The following TSC22D2 variants were observed in gnomAD, a reference collection of about 807,000 sequenced individuals.
The protein encoded by TSC22D2 is TSC22 domain family member 2.
A neutral mutation model predicts 50.1 loss-of-function variants in TSC22D2; 5 were observed. That is an observed-to-expected ratio of 0.10 (90% CI 0.05 to 0.21). The LOEUF (loss-of-function observed/expected upper bound fraction) is 0.21, where lower values mean the gene tolerates loss of function less well. TSC22D2 is among the 10% of genes least tolerant of loss of function. TSC22D2 has a pLI of 1.00. For synonymous variants in TSC22D2, 501 were observed against 450.1 expected, an observed-to-expected ratio of 1.11 and a Z score of -1.43; for missense variants, 1,003 against 1,015.5, an observed-to-expected ratio of 0.99 and a Z score of 0.17.
In TSC22D2 at chr3:150,459,294, C is replaced by T. The variant is rs554042824; in HGVS notation, c.*658C>T. The T allele has an allele frequency of 2.4e-4, 37 of 152,694 alleles. No individual in the cohort carries two copies. Among genetic ancestry groups the T allele is most frequent in the African/African-American group, 8.7e-4 (36 of 41,562 alleles). 9.5% of individuals were successfully genotyped at this position (152,694 alleles called of 1,614,324 possible). A position where few individuals can be genotyped will look rare whatever the true frequency, so the allele number is the denominator to read the frequency against. ...TTTATTTTCAGTAGTAAAGACCCAG[C>T]TTGAATGTAAATTTTGTATAGTGTA... On this transcript the variant is annotated 3_prime_UTR_variant, in exon 3 of 3. Transcript: ENST00000688009.
intron 1 of TSC22D2, among the ~76,000 whole-genome samples, chr3:150,418,715 T>C (rs1042903723): frequency 2.6e-5 from 4 of 151,792 alleles, no homozygotes; most frequent in African/African-American, 7.3e-5. Flanking sequence ...AGAACCAGAG[T>C]GAAGGACTTT....
At chr3:150,416,312 C>G (rs1231532167) in intron 1 of TSC22D2, among the ~76,000 whole-genome samples, 2 of 152,064 alleles carry the variant, frequency 1.3e-5, no homozygotes, top group African/African-American at 2.4e-5. Flanking sequence ...GAAGGAGAGG[C>G]CTTACAAAAG....
At chr3:150,442,396 C>T (rs189110270) in intron 1 of TSC22D2, among the ~76,000 whole-genome samples, 2 of 152,324 alleles carry the variant, frequency 1.3e-5, no homozygotes, top group East Asian at 3.9e-4. Context: ...AATGTGGCAT[C>T]ACAAAATTTG....
intron 1 of TSC22D2, among the ~76,000 whole-genome samples, chr3:150,454,601 A>T (rs1721133180): frequency 1.3e-5 from 2 of 152,128 alleles, no homozygotes; most frequent in Non-Finnish European, 2.9e-5. Flanking sequence ...GAGCCCAGCA[A>T]CCTGAGTTTT....
At chr3:150,417,698 C>T (rs6784892) in intron 1 of TSC22D2, among the ~76,000 whole-genome samples, 5,522 of 152,112 alleles carry the variant, frequency 0.036, 333 homozygotes, top group African/African-American at 0.13. Context: ...ATGTGGCAAA[C>T]GTGTATCACA....
intron 1 of TSC22D2, among the ~76,000 whole-genome samples, chr3:150,428,741 G>C (rs1477440767): frequency 6.6e-6 from 1 of 152,090 alleles, no homozygotes; most frequent in East Asian, 1.9e-4. Context: ...CATTTCTACA[G>C]AACAGTTGTT....
chr3:150,410,930 C>T lies in TSC22D2; in HGVS notation c.1580C>T (p.Thr527Ile), dbSNP rs79871518. ...SVPSVSTTSV[T>I]MPNVPAPLAQ... ...CCTAGTGTGTCTACCACTTCTGTTACTATGCCAAATGTACCCGCGCCTCTG... is the reference window on the plus strand; with the variant it reads ...CCTAGTGTGTCTACCACTTCTGTTATTATGCCAAATGTACCCGCGCCTCTG... Residue 527 changes from threonine (T) to isoleucine (I), a missense_variant, in exon 1 of 3, where the codon ACT (threonine) becomes ATT (isoleucine). Thr to Ile is a moderately conservative substitution (Grantham distance 89). This residue lies in a region of TSC22D2 where 696 missense variants were observed against 647.8 expected (regional missense o/e 1.07). Transcript: ENST00000688009. 1.5e-5 allele frequency: 24 copies of T among 1,614,148 alleles called. No homozygotes were observed. The East Asian group carries it at 3.6e-4, about 24-fold the overall frequency.
At chr3:150,416,583 T>C (rs565593814) in intron 1 of TSC22D2, among the ~76,000 whole-genome samples, 1 of 152,152 alleles carries the variant, frequency 6.6e-6, no homozygotes, top group African/African-American at 2.4e-5. Flanking sequence ...ATAATGTCTT[T>C]CCCACAGCAA....
Position 150,410,070 on chromosome 3 carries a change from G to C in TSC22D2, c.720G>C (p.Ser240=), listed in dbSNP as rs1719459688. Residue 240 remains serine (S), a synonymous_variant, in exon 1 of 3, where the codon TCG becomes TCC. Coordinates refer to ENST00000688009, the MANE Select transcript of TSC22D2 (RefSeq NM_001303264.2). ...ASMQGAHGPE[S]GTDSSLTAVS... ...TGCAGGGGGCGCACGGGCCCGAGTC[G>C]GGAACTGACAGCTCCTTGACTGCTG... 5 of 1,613,066 alleles carry C rather than the reference G, an allele frequency of 3.1e-6. No individual in the cohort carries two copies. The highest frequency in any genetic ancestry group is 4.2e-6 in the Non-Finnish European group (5 of 1,180,024).
chr3:150,456,146 T>A, intron 1 of TSC22D2, among the ~76,000 whole-genome samples: 1 of 151,844 alleles, frequency 6.6e-6, no homozygotes, highest in African/African-American at 2.4e-5. Context: ...TACAGTCAAA[T>A]ACATGTAGGT....
chr3:150,424,160 C>T (rs937682178), intron 1 of TSC22D2, among the ~76,000 whole-genome samples: 1 of 152,056 alleles, frequency 6.6e-6, no homozygotes, highest in South Asian at 2.1e-4. Flanking sequence ...TAAATAGTTA[C>T]TTTTAGAACA....
intron 1 of TSC22D2, among the ~76,000 whole-genome samples, chr3:150,446,425 G>A (rs1401062877): frequency 6.6e-6 from 1 of 152,192 alleles, no homozygotes; most frequent in Non-Finnish European, 1.5e-5. Context: ...CAAGGCAGGA[G>A]GATCACTTGA....
chr3:150,453,299 G>A (rs867903894), intron 1 of TSC22D2, among the ~76,000 whole-genome samples: 60 of 152,306 alleles, frequency 3.9e-4, no homozygotes, highest in African/African-American at 1.4e-3. Flanking sequence ...TATTGATTCT[G>A]CTTCAGTTGA....
chr3:150,409,681 C>T lies in TSC22D2; in HGVS notation c.331C>T (p.Arg111Trp). The T allele has an allele frequency of 6.3e-7, 1 of 1,591,662 alleles. No homozygotes were observed. Among genetic ancestry groups the T allele is most frequent in the South Asian group, 1.1e-5 (1 of 89,542 alleles). Residue 111 changes from arginine to tryptophan, a missense_variant, in exon 1 of 3, where the codon CGG becomes TGG. Arg to Trp is a moderately radical substitution (Grantham distance 101, BLOSUM62 -3). Transcript: ENST00000688009. The surrounding 1 kb of genome is among the most constrained non-coding windows in gnomAD (Gnocchi z 7.4). ...CAACGGAGGAGGAGTCGTTTCGGCC[C>T]GGAGCGTGTCTGGGGCGCTCGCCAG... Reference protein sequence around the residue: ...PANGGGVVSARSVSGALASTL... With the variant: ...PANGGGVVSAWSVSGALASTL...
Position 150,458,541 on chromosome 3 carries a change from G to T in TSC22D2, c.2176G>T (p.Ala726Ser). The change falls in exon 3 of 3, where the codon GCC (alanine) becomes TCC (serine). Residue 726 changes from alanine to serine, a missense_variant. This residue lies in a region of TSC22D2 where 54 missense variants were observed against 51.4 expected (regional missense o/e 1.05). Transcript: ENST00000688009. ...DQLSQLPTQQ[A>S]NPGSTSQQQA... ...ATTATCCCAACTCCCAACCCAACAG[G>T]CCAATCCTGGTAGCACTTCTCAACA... 6.2e-7 allele frequency: 1 copy of T among 1,614,068 alleles called. No homozygotes were observed. The highest frequency in any genetic ancestry group is 8.5e-7 in the Non-Finnish European group (1 of 1,180,010).
chr3:150,458,332 T>G, intron 2 of TSC22D2, 44 bp from the exon 3 acceptor site: 1 of 1,584,226 alleles, frequency 6.3e-7, no homozygotes. Flanking sequence ...AGCACCACCT[T>G]TATCTTTTCA....
chr3:150,453,014 C>T, intron 1 of TSC22D2, among the ~76,000 whole-genome samples: 1 of 152,122 alleles, frequency 6.6e-6, no homozygotes, highest in African/African-American at 2.4e-5. Flanking sequence ...TTCCCTCATG[C>T]TTCTGTAGCA....
chr3:150,465,980 G>A lies in TSC22D2; in HGVS notation c.*7344G>A, dbSNP rs936858850. On this transcript the variant is annotated 3_prime_UTR_variant, in exon 3 of 3. Transcript: ENST00000688009. The stretch of plus-strand genomic sequence containing the variant: ...GGAAAATATCCTCCATGATGGGGGA[G>A]CTACTGTAATACTATGAAATTGGAA... 6.6e-6 allele frequency: 1 copy of A among 152,126 alleles called. No individual in the cohort carries two copies. Among genetic ancestry groups the A allele is most frequent in the Non-Finnish European group, 1.5e-5 (1 of 68,022 alleles). 9.4% of individuals were successfully genotyped at this position (152,126 alleles called of 1,614,324 possible).
At chr3:150,452,692 T>G (rs1721080476) in intron 1 of TSC22D2, among the ~76,000 whole-genome samples, 1 of 152,204 alleles carries the variant, frequency 6.6e-6, no homozygotes, top group South Asian at 2.1e-4. Context: ...TGAGTTATAC[T>G]TTTTCTGTGA....
Sources: gnomAD v4.1 joint callset for allele counts (sites outside exome capture counted in the v4.1 genomes callset) on GRCh38, gnomAD v4.1.1 for gene constraint, gnomAD v4.1.1 regional missense constraint, Gnocchi (gnomAD v3.1) non-coding constraint, MANE v1.5 for transcripts, NCBI Gene and HGNC (gene_info 2026-07-23, HGNC 2026-07-21) for gene names.